Variants in ANKRD30B observed in about 807,000 individuals in gnomAD.
ANKRD30B encodes the protein ankyrin repeat domain-containing protein 30B.
ANKRD30B carries 144 observed loss-of-function variants against 202.2 expected under a neutral mutation model. The observed-to-expected ratio is 0.71, with a 90% CI of 0.62 to 0.82. The LOEUF is 0.82. Among genes scored for constraint, ANKRD30B ranks in the 40% least tolerant of loss-of-function variants. ANKRD30B has a pLI of 0.00. For missense variants in ANKRD30B, 1,487 were observed against 1,669.1 expected (o/e 0.89, Z 1.90); for synonymous variants, 508 against 561.3 (o/e 0.91, Z 1.34).
the ANKRD30B span, among the ~76,000 whole-genome samples, chr18:14,919,178 G>A: frequency 6.6e-6 from 1 of 152,182 alleles, no homozygotes; most frequent in Non-Finnish European, 1.5e-5. Flanking sequence ...AAGGGATTAG[G>A]GCAAGGACTT....
intron 40 of ANKRD30B, among the ~76,000 whole-genome samples, 184 bp from the exon 41 acceptor site, chr18:14,850,030 C>G (rs1408448683): frequency 6.6e-6 from 1 of 151,032 alleles, no homozygotes; most frequent in East Asian, 1.9e-4. Context: ...CACTATTTTT[C>G]AAGTATGTAT....
At chr18:14,752,381 GC>G (rs1226876911) in intron 1 of ANKRD30B, among the ~76,000 whole-genome samples, 184 bp from the exon 2 acceptor site, 1 of 152,102 alleles carries the variant, frequency 6.6e-6, no homozygotes, top group Non-Finnish European at 1.5e-5. Flanking sequence ...ATTCAAACAG[GC>G]CACTCTTTCA....
chr18:14,877,395 A>C, the ANKRD30B span, among the ~76,000 whole-genome samples: 2 of 152,050 alleles, frequency 1.3e-5, no homozygotes, highest in South Asian at 4.1e-4. Flanking sequence ...GCCTTTGGCC[A>C]GGTACTTAAC....
At chr18:14,932,825 C>A in the ANKRD30B span, among the ~76,000 whole-genome samples, 1 of 152,204 alleles carries the variant, frequency 6.6e-6, no homozygotes, top group East Asian at 1.9e-4. Flanking sequence ...CATTCAAGCT[C>A]CTCCCTGGGC....
the ANKRD30B span, among the ~76,000 whole-genome samples, chr18:14,860,713 T>C: frequency 0.57 from 86,768 of 151,330 alleles, 25,605 homozygotes; most frequent in African/African-American, 0.72. Flanking sequence ...CCAATAATTT[T>C]TTTTTTTTGG....
intron 4 of ANKRD30B, among the ~76,000 whole-genome samples, chr18:14,755,646 A>G (rs1424722533): frequency 9.2e-5 from 14 of 152,096 alleles, no homozygotes; most frequent in Non-Finnish European, 1.9e-4. Context: ...GAGTGAGAAC[A>G]TGTGGTGTTT....
At chr18:14,777,737 T>C (rs1385647118) in intron 9 of ANKRD30B, among the ~76,000 whole-genome samples, 1 of 151,506 alleles carries the variant, frequency 6.6e-6, no homozygotes, top group Non-Finnish European at 1.5e-5. Flanking sequence ...AGGTCAGGAG[T>C]TCGAGACCAG....
In ANKRD30B at chr18:14,831,428, T is replaced by G; in HGVS notation, c.2820T>G (p.Val940=). ...PTTENSQSTK[V]EEDFNLTTKE... is the part of the protein sequence containing the mutation. Reference sequence around the variant, plus strand: ...CTGAAAATTCACAGTCTACAAAAGTTGAGGAAGACTTTAATCTTACTACCA... The same window carrying G: ...CTGAAAATTCACAGTCTACAAAAGTGGAGGAAGACTTTAATCTTACTACCA... The change falls in exon 34 of 44, where the codon GTT becomes GTG. Residue 940 remains valine, a synonymous_variant. Coordinates refer to ENST00000690538, the MANE Select transcript of ANKRD30B (RefSeq NM_001367607.2). The G allele has an allele frequency of 6.5e-7, 1 of 1,534,086 alleles. No individual in the cohort carries two copies. Among genetic ancestry groups the G allele is most frequent in the Non-Finnish European group, 8.8e-7 (1 of 1,138,514 alleles).
chr18:14,793,456 A>G (rs886463800), intron 16 of ANKRD30B, among the ~76,000 whole-genome samples: 2 of 152,072 alleles, frequency 1.3e-5, no homozygotes, highest in Non-Finnish European at 2.9e-5. Context: ...CTGATTCAAG[A>G]TCACTTATCT....
chr18:14,799,273 G>A lies in ANKRD30B; in HGVS notation c.2109G>A (p.Lys703=). 1.1e-5 allele frequency: 17 copies of A among 1,543,250 alleles called. No individual in the cohort carries two copies. The highest frequency in any genetic ancestry group is 1.5e-5 in the Non-Finnish European group (17 of 1,146,382). Residue 703 remains lysine (K), a synonymous_variant, in exon 22 of 44, where the codon AAG becomes AAA. Coordinates refer to ENST00000690538, the MANE Select transcript of ANKRD30B (RefSeq NM_001367607.2). ...VSLPNKALEL[K]DRETFKAAQM... The stretch of plus-strand genomic sequence containing the variant: ...TTCCAAATAAAGCTTTAGAATTGAA[G>A]GACAGAGAAACATTCAAAGCAGGTA...
At chr18:14,785,895 G>A (rs367833401) in intron 14 of ANKRD30B, among the ~76,000 whole-genome samples, 3 of 151,918 alleles carry the variant, frequency 2.0e-5, no homozygotes, top group Non-Finnish European at 4.4e-5. Context: ...AAAATTAGCC[G>A]GGTGCGGTGG....
At chr18:14,876,456 A>AC in the ANKRD30B span, among the ~76,000 whole-genome samples, 1 of 152,184 alleles carries the variant, frequency 6.6e-6, no homozygotes, top group African/African-American at 2.4e-5. Context: ...AATGATGCCA[A>AC]CATTTAGCCA....
chr18:14,766,968 G>A (rs550286574), intron 7 of ANKRD30B, among the ~76,000 whole-genome samples: 3 of 152,262 alleles, frequency 2.0e-5, no homozygotes, highest in South Asian at 2.1e-4. Flanking sequence ...TTATTTTAGG[G>A]TTGTTAAGTA....
chr18:14,922,138 T>C, the ANKRD30B span, among the ~76,000 whole-genome samples: 1 of 152,152 alleles, frequency 6.6e-6, no homozygotes, highest in Admixed American at 6.5e-5. Context: ...AATTTGTTTG[T>C]TGGAGGAGAG....
rs1292916104 is a variant in ANKRD30B at position 14,814,566 on chromosome 18, T to A, written c.2551-55T>A. 8 of 1,101,040 alleles carry A rather than the reference T, an allele frequency of 7.3e-6. 1 individual carries two copies. The highest frequency in any genetic ancestry group is 1.0e-5 in the Non-Finnish European group (8 of 772,288). 68.2% of individuals were successfully genotyped at this position (1,101,040 alleles called of 1,614,324 possible). ...GATTTTAATTAGGAACTTTTGATACTCTTCATTATTGGGATTTCTCCATTG... is the reference window on the plus strand; with the variant it reads ...GATTTTAATTAGGAACTTTTGATACACTTCATTATTGGGATTTCTCCATTG... On this transcript the variant is annotated intron_variant, in intron 29 of 43. Coordinates refer to ENST00000690538, the MANE Select transcript of ANKRD30B (RefSeq NM_001367607.2).
chr18:14,794,506 C>T, intron 16 of ANKRD30B, among the ~76,000 whole-genome samples: 1 of 151,870 alleles, frequency 6.6e-6, no homozygotes, highest in Non-Finnish European at 1.5e-5. Context: ...GTACATTTAT[C>T]ATATTTTTAC....
chr18:14,831,647 T>C lies in ANKRD30B; in HGVS notation c.2847+192T>C, dbSNP rs140377662. Among the ~76,000 whole-genome samples, 404 of 152,326 alleles carry C rather than the reference T, an allele frequency of 2.7e-3. 5 individuals carry two copies. Among genetic ancestry groups the C allele is most frequent in the African/African-American group, 8.1e-3 (337 of 41,582 alleles). ...TTTTTTTTTTGTTTTTTTGTTTGTT[T>C]GTTTTACTTCAGTAAATAACAAATG... On this transcript the variant is annotated intron_variant, in intron 34 of 43. Transcript: ENST00000690538.
chr18:14,821,747 G>A (rs903717225), intron 30 of ANKRD30B, among the ~76,000 whole-genome samples: 16 of 152,184 alleles, frequency 1.1e-4, no homozygotes, highest in Non-Finnish European at 7.3e-5. Context: ...CATGAGCCAT[G>A]GCACCTGGAC....
chr18:14,872,423 T>C, the ANKRD30B span, among the ~76,000 whole-genome samples: 1 of 152,210 alleles, frequency 6.6e-6, no homozygotes, highest in Admixed American at 6.5e-5. Context: ...CTGAGCTTTT[T>C]TGCATGCAGC....
Sources: gnomAD v4.1 joint callset for allele counts (sites outside exome capture counted in the v4.1 genomes callset) on GRCh38, gnomAD v4.1.1 for gene constraint, MANE v1.5 for transcripts, NCBI Gene and HGNC (gene_info 2026-07-23, HGNC 2026-07-21) for gene names.